Variants in NSL1 observed in about 807,000 individuals in gnomAD.
The protein encoded by NSL1 is NSL1 component of MIS12 kinetochore complex.
In NSL1, 11 loss-of-function variants were observed where a neutral mutation model predicts 25.4. The ratio of observed to expected loss-of-function variants is 0.43; its 90% CI spans 0.27 to 0.72. NSL1 has a LOEUF of 0.72. Ranked by LOEUF, NSL1 falls within the 30% of genes least tolerant of loss-of-function variation. NSL1 has a pLI of 0.19. For synonymous variants in NSL1, 118 were observed against 120.6 expected, an observed-to-expected ratio of 0.98 and a Z score of 0.14; for missense variants, 330 against 342.7, an observed-to-expected ratio of 0.96 and a Z score of 0.29.
At chr1:212,779,204 G>C (rs1399390133) in intron 4 of NSL1, among the ~76,000 whole-genome samples, 1 of 151,512 alleles carries the variant, frequency 6.6e-6, no homozygotes, top group Non-Finnish European at 1.5e-5. Flanking sequence ...GTCTCCGCCC[G>C]GCCAGCCGCC....
At position 212,731,138 on chromosome 1, in the gene NSL1, G is replaced by C. The variant is rs1186149284; in HGVS notation, c.*7270C>G. ...CTCTAGAGAGATATTTTTTTCTTCAGAGACTTTCATAATATAATCTATTTG... is the reference window on the plus strand; with the variant it reads ...CTCTAGAGAGATATTTTTTTCTTCACAGACTTTCATAATATAATCTATTTG... On this transcript the variant is annotated 3_prime_UTR_variant, in exon 6 of 6. Coordinates refer to ENST00000366977, the MANE Select transcript of NSL1 (RefSeq NM_015471.4). The C allele has an allele frequency of 2.1e-6, 2 of 967,544 alleles. No homozygotes were observed. The highest frequency in any genetic ancestry group is 2.4e-4 in the East Asian group (2 of 8,342). 59.9% of individuals were successfully genotyped at this position (967,544 alleles called of 1,614,324 possible).
At chr1:212,759,200 A>G (rs772913308) in intron 4 of NSL1, among the ~76,000 whole-genome samples, 6 of 152,248 alleles carry the variant, frequency 3.9e-5, no homozygotes, top group Non-Finnish European at 8.8e-5. Context: ...TAGGTAAATT[A>G]GATTTTGCCA....
chr1:212,740,167 T>C (rs1274723220), intron 4 of NSL1, among the ~76,000 whole-genome samples: 3 of 152,074 alleles, frequency 2.0e-5, no homozygotes, highest in Non-Finnish European at 4.4e-5. Context: ...TGAGAAAAAA[T>C]TGTTCCATTA....
At chr1:212,789,427 G>C (rs1214439177) in intron 1 of NSL1, among the ~76,000 whole-genome samples, 4 of 152,150 alleles carry the variant, frequency 2.6e-5, no homozygotes, top group Admixed American at 6.5e-5. Context: ...GGCCAGGCTG[G>C]TCTGGAACTC....
chr1:212,781,538 T>TA (rs35785389), intron 4 of NSL1, among the ~76,000 whole-genome samples: 61,062 of 151,802 alleles, frequency 0.4, 13,895 homozygotes, highest in Non-Finnish European at 0.51. Context: ...TGCTTATACT[T>TA]CCCCCCCTCT....
chr1:212,778,470 T>C (rs1249157610), intron 4 of NSL1, among the ~76,000 whole-genome samples: 2 of 152,144 alleles, frequency 1.3e-5, no homozygotes, highest in African/African-American at 4.8e-5. Flanking sequence ...ACTGTACTGC[T>C]GCCATCTCGG....
chr1:212,777,059 C>CT (rs1001949331), intron 4 of NSL1, among the ~76,000 whole-genome samples: 2 of 148,838 alleles, frequency 1.3e-5, no homozygotes, highest in African/African-American at 2.5e-5. Flanking sequence ...TCTGAAAAGA[C>CT]TAAAAAAAAA....
At chr1:212,774,511 C>T (rs1174992233) in intron 4 of NSL1, among the ~76,000 whole-genome samples, 4 of 151,472 alleles carry the variant, frequency 2.6e-5, no homozygotes, top group Non-Finnish European at 5.9e-5. Context: ...CAAATACCTC[C>T]CTCAAAAAAC....
At chr1:212,762,061 A>G (rs1308675148) in intron 4 of NSL1, among the ~76,000 whole-genome samples, 2 of 151,570 alleles carry the variant, frequency 1.3e-5, no homozygotes, top group Non-Finnish European at 2.9e-5. Context: ...ACTTTGGGAG[A>G]CTGAGGTGGG....
chr1:212,787,696 C>G, intron 1 of NSL1, 59 bp from the exon 2 acceptor site: 4 of 1,175,276 alleles, frequency 3.4e-6, no homozygotes, highest in Non-Finnish European at 4.9e-6. Context: ...TAAATTCAAA[C>G]GTTTTAGCAA....
chr1:212,786,534 A>C (rs1660953636), intron 2 of NSL1, among the ~76,000 whole-genome samples: 1 of 152,214 alleles, frequency 6.6e-6, no homozygotes, highest in African/African-American at 2.4e-5. Flanking sequence ...TTTGAACAGA[A>C]GCCAGGCACA....
Position 212,737,914 on chromosome 1 carries a change from A to G in NSL1, c.*494T>C, listed in dbSNP as rs1312284326. ...AGCCAGTATTATCATCAGCACATTA[A>G]TTTGATAAATCAAACTACATCTTTA... is the stretch of plus-strand genomic sequence containing the variant. On this transcript the variant is annotated 3_prime_UTR_variant, in exon 6 of 6. Transcript: ENST00000366977. The G allele has an allele frequency of 1.0e-6, 1 of 985,612 alleles. No individual in the cohort carries two copies. The highest frequency in any genetic ancestry group is 1.2e-6 in the Non-Finnish European group (1 of 830,170). 61.1% of individuals were successfully genotyped at this position (985,612 alleles called of 1,614,324 possible).
rs565229723 is a variant in NSL1 at position 212,738,262 on chromosome 1, G to A, written c.*146C>T. On this transcript the variant is annotated 3_prime_UTR_variant, in exon 6 of 6. Coordinates refer to ENST00000366977, the MANE Select transcript of NSL1 (RefSeq NM_015471.4). ...AAATACAATATTATATCATATCCCC[G>A]CACAGAGATACTATATCTGTATAAA... 180 of 1,410,282 alleles carry A rather than the reference G, an allele frequency of 1.3e-4. 2 individuals are homozygous for A. The East Asian group carries it at 3.8e-3, about 29-fold the overall frequency. 87.4% of individuals were successfully genotyped at this position (1,410,282 alleles called of 1,614,324 possible).
At chr1:212,767,646 G>A (rs751608962) in intron 4 of NSL1, among the ~76,000 whole-genome samples, 1 of 152,006 alleles carries the variant, frequency 6.6e-6, no homozygotes, top group Admixed American at 6.6e-5. Flanking sequence ...CCACAGAGTG[G>A]GAGAAAATAT....
chr1:212,770,681 C>T lies in NSL1; in HGVS notation c.499+11691G>A, dbSNP rs541104228. 8.5e-5 allele frequency among the ~76,000 whole-genome samples: 13 copies of T among 152,270 alleles called. No homozygotes were observed. In the South Asian group the frequency reaches 1.5e-3, roughly 17 times the overall value. ...AAAACCTCAAGAGGGAAGAATTGTT[C>T]CTAACTCATTCTGTGAGAACAGTAT... On this transcript the variant is annotated intron_variant, in intron 4 of 5. Transcript: ENST00000366977.
At position 212,736,171 on chromosome 1, in the gene NSL1, G is replaced by T; in HGVS notation, c.*2237C>A. ...TCTCATTTCAGCCTCCTGGGTGGCT[G>T]GGACTACAGGTGTGTGCCATCACAC... On this transcript the variant is annotated 3_prime_UTR_variant, in exon 6 of 6. Coordinates refer to ENST00000366977, the MANE Select transcript of NSL1 (RefSeq NM_015471.4). 1.6e-6 allele frequency: 1 copy of T among 636,556 alleles called. No homozygotes were observed. Among genetic ancestry groups the T allele is most frequent in the Non-Finnish European group, 2.0e-6 (1 of 511,202 alleles). 39.4% of individuals were successfully genotyped at this position (636,556 alleles called of 1,614,324 possible).
chr1:212,784,229 G>A (rs575264157), intron 3 of NSL1, 134 bp downstream of exon 3: 39 of 547,072 alleles, frequency 7.1e-5, no homozygotes, highest in African/African-American at 6.8e-4. Flanking sequence ...AGTCTTACAA[G>A]AGACAAACAA....
Position 212,732,046 on chromosome 1 carries a change from T to TTTA in NSL1, c.*6361_*6362insTAA. ...TGTCCCAATTTTTTTTTTTTTTTTT[T>TTTA]ACTGAATTCAGATTCAGGGTTTTTA... is the stretch of plus-strand genomic sequence containing the variant. On this transcript the variant is annotated 3_prime_UTR_variant, in exon 6 of 6. Coordinates refer to ENST00000366977, the MANE Select transcript of NSL1 (RefSeq NM_015471.4). 2 of 967,996 alleles carry TTTA rather than the reference T, an allele frequency of 2.1e-6. No homozygotes were observed. Among genetic ancestry groups the TTTA allele is most frequent in the Middle Eastern group, 5.3e-4 (1 of 1,876 alleles). 60.0% of individuals were successfully genotyped at this position (967,996 alleles called of 1,614,324 possible). A position where few individuals can be genotyped will look rare whatever the true frequency, so the allele number is the denominator to read the frequency against.
At position 212,738,024 on chromosome 1, in the gene NSL1, CT is replaced by C. The variant is rs34327678; in HGVS notation, c.*383del. ...GAAAAATCATTATACAGCTCTCTCT[CT>C]TTTTTTTTTTTTTCCTAGAAAGATG... is the stretch of plus-strand genomic sequence containing the variant. On this transcript the variant is annotated 3_prime_UTR_variant, in exon 6 of 6. Transcript: ENST00000366977. The C allele has an allele frequency of 0.52, 446,845 of 863,862 alleles. 46,910 individuals carry two copies. The highest frequency in any genetic ancestry group is 0.53 in the African/African-American group (28,241 of 53,078). 53.5% of individuals were successfully genotyped at this position (863,862 alleles called of 1,614,324 possible). A position where few individuals can be genotyped will look rare whatever the true frequency, so the allele number is the denominator to read the frequency against.
Sources: allele counts gnomAD v4.1 joint callset (sites outside exome capture counted in the v4.1 genomes callset), GRCh38; gene constraint gnomAD v4.1.1; transcripts MANE v1.5; gene names NCBI Gene and HGNC (gene_info 2026-07-23, HGNC 2026-07-21).